EVC2: variants seen among roughly 807,000 people sequenced by gnomAD.
EVC2 encodes limbin.
In EVC2, 148 loss-of-function variants were observed where a neutral mutation model predicts 149.3. That is an observed-to-expected ratio of 0.99 (90% confidence interval 0.87 to 1.14). The LOEUF is 1.14. Among genes scored for constraint, EVC2 ranks in the 50% most tolerant of loss-of-function variants. EVC2 has a pLI of 0.00. For missense variants in EVC2, 1,854 were observed against 1,627.3 expected (o/e 1.14, Z -2.40); for synonymous variants, 776 against 649.9 (o/e 1.19, Z -2.95).
chr4:5,562,811 T>C lies in EVC2; in HGVS notation c.*37A>G. ...CGGCGGGCAGGAGAAAATCATCCCT[T>C]CTCTCTTCAGATGCTCCCGCAGGTC... On this transcript the variant is annotated 3_prime_UTR_variant, in exon 22 of 22. Coordinates refer to ENST00000344408, the MANE Select transcript of EVC2 (RefSeq NM_147127.5). The surrounding 1 kb of genome is among the most constrained non-coding windows in gnomAD (Gnocchi z 4.3). 6.2e-7 allele frequency: 1 copy of C among 1,611,950 alleles called. No homozygotes were observed. The highest frequency in any genetic ancestry group is 8.5e-7 in the Non-Finnish European group (1 of 1,180,014).
intron 16 of EVC2, among the ~76,000 whole-genome samples, chr4:5,600,646 G>T (rs1713901752): frequency 6.6e-6 from 1 of 152,200 alleles, no homozygotes; most frequent in Non-Finnish European, 1.5e-5. Context: ...TGAATCCTAA[G>T]TAAGCCATGG....
downstream of EVC2, among the ~76,000 whole-genome samples, chr4:5,542,086 A>C (rs1721524756): frequency 6.6e-6 from 1 of 152,198 alleles, no homozygotes; most frequent in Admixed American, 6.5e-5. Flanking sequence ...ATATGAAGAT[A>C]AAATGAGAAG....
At chr4:5,692,695 G>A (rs1181193228) in intron 3 of EVC2, among the ~76,000 whole-genome samples, 2 of 150,134 alleles carry the variant, frequency 1.3e-5, no homozygotes, top group African/African-American at 2.5e-5. Context: ...GTGAAACCCC[G>A]TCTCTACTAA....
chr4:5,703,343 A>G (rs73200131), intron 1 of EVC2, among the ~76,000 whole-genome samples: 5,645 of 152,320 alleles, frequency 0.037, 135 homozygotes, highest in Non-Finnish European at 0.054. Context: ...GCCACTTTGT[A>G]GATGAGGAAT....
chr4:5,638,875 G>C (rs913927250), intron 10 of EVC2, among the ~76,000 whole-genome samples: 1 of 152,144 alleles, frequency 6.6e-6, no homozygotes, highest in African/African-American at 2.4e-5. Context: ...AACATGGAAG[G>C]ATCCTACTGA....
At chr4:5,695,360 G>GA (rs531995718) in intron 2 of EVC2, among the ~76,000 whole-genome samples, 25 of 144,182 alleles carry the variant, frequency 1.7e-4, no homozygotes, top group South Asian at 1.4e-3. Flanking sequence ...AAAAAAAAAA[G>GA]AAAAAAAAAA....
chr4:5,609,351 T>C (rs1201848492), intron 16 of EVC2, among the ~76,000 whole-genome samples: 1 of 152,090 alleles, frequency 6.6e-6, no homozygotes, highest in Non-Finnish European at 1.5e-5. Context: ...ATCCTGCAAA[T>C]AAAACATCTG....
intron 3 of EVC2, among the ~76,000 whole-genome samples, chr4:5,692,054 C>A (rs1025825227): frequency 6.6e-6 from 1 of 152,230 alleles, no homozygotes; most frequent in African/African-American, 2.4e-5. Flanking sequence ...CCTTGGCTCT[C>A]CTTGCTGTGA....
At chr4:5,700,165 AAAT>A (rs760811607) in intron 1 of EVC2, among the ~76,000 whole-genome samples, 69 of 152,312 alleles carry the variant, frequency 4.5e-4, no homozygotes, top group Admixed American at 1.0e-3. Context: ...AAAAATAAAG[AAAT>A]AATAATAGGG....
the EVC2 span, among the ~76,000 whole-genome samples, chr4:5,535,635 A>AGAG: frequency 5.7e-5 from 5 of 87,920 alleles, no homozygotes; most frequent in African/African-American, 2.5e-4. The surrounding 1 kb of genome is among the most constrained non-coding windows in gnomAD (Gnocchi z 4.7). Context: ...GAGAGAGAGA[A>AGAG]AGAGATAATC....
At chr4:5,705,948 TC>T (rs1722103512) in intron 1 of EVC2, among the ~76,000 whole-genome samples, 2 of 152,160 alleles carry the variant, frequency 1.3e-5, no homozygotes, top group Admixed American at 1.3e-4. Context: ...GAACTCACAG[TC>T]CAGCAAAGGA....
chr4:5,595,592 T>C (rs986080065), intron 16 of EVC2, among the ~76,000 whole-genome samples: 48 of 152,234 alleles, frequency 3.2e-4, no homozygotes, highest in Non-Finnish European at 5.6e-4. Flanking sequence ...AAGGAACAAC[T>C]GGTACCAGCC....
chr4:5,667,991 G>A (rs575478810), intron 7 of EVC2, among the ~76,000 whole-genome samples: 1 of 152,332 alleles, frequency 6.6e-6, no homozygotes, highest in Non-Finnish European at 1.5e-5. Context: ...GCTTTTCTAA[G>A]GATAGCAGCC....
intron 16 of EVC2, among the ~76,000 whole-genome samples, chr4:5,591,372 C>G (rs1712778925): frequency 6.6e-6 from 1 of 152,186 alleles, no homozygotes; most frequent in African/African-American, 2.4e-5. Context: ...TGAACATCAT[C>G]ATGCTTCAGC....
chr4:5,535,862 T>C, the EVC2 span, among the ~76,000 whole-genome samples: 1 of 152,114 alleles, frequency 6.6e-6, no homozygotes, highest in Admixed American at 6.5e-5. The surrounding 1 kb of genome is among the most constrained non-coding windows in gnomAD (Gnocchi z 4.7). Context: ...ATAGGCCAGA[T>C]ATACCAAAAA....
intron 17 of EVC2, among the ~76,000 whole-genome samples, chr4:5,581,918 C>A (rs1711835763): frequency 6.6e-6 from 1 of 152,256 alleles, no homozygotes; most frequent in South Asian, 2.1e-4. Context: ...AAGATGCAAA[C>A]TGTAAGCCTT....
intron 16 of EVC2, among the ~76,000 whole-genome samples, chr4:5,598,204 A>G (rs966320422): frequency 2.0e-5 from 3 of 152,116 alleles, no homozygotes; most frequent in Non-Finnish European, 4.4e-5. Context: ...TCTTCACAGA[A>G]TTGGAAAAAA....
intron 6 of EVC2, 42 bp downstream of exon 6, chr4:5,685,328 T>C (rs1461221261): frequency 5.0e-6 from 8 of 1,584,250 alleles, no homozygotes; most frequent in Non-Finnish European, 8.7e-7. Context: ...ACAACCTCTC[T>C]TGGCAGTGGC....
chr4:5,572,058 ATC>A (rs1368246182), intron 19 of EVC2, among the ~76,000 whole-genome samples: 1 of 152,154 alleles, frequency 6.6e-6, no homozygotes, highest in African/African-American at 2.4e-5. Context: ...CCTTCAATAA[ATC>A]TCTTTCTCTA....
Sources: allele counts gnomAD v4.1 joint callset (sites outside exome capture counted in the v4.1 genomes callset), GRCh38; gene constraint gnomAD v4.1.1; non-coding constraint Gnocchi (gnomAD v3.1); transcripts MANE v1.5; gene names NCBI Gene and HGNC (gene_info 2026-07-23, HGNC 2026-07-21).